The following PCDHGA4 variants were observed in gnomAD, a reference collection of about 807,000 sequenced individuals.
The protein encoded by PCDHGA4 is protocadherin gamma-A4.
In PCDHGA4, 38 loss-of-function variants were observed where a neutral mutation model predicts 54.6. The observed-to-expected ratio is 0.70, with a 90% CI of 0.54 to 0.91. The LOEUF (loss-of-function observed/expected upper bound fraction) is 0.91. PCDHGA4 is among the 40% of genes least tolerant of loss of function. The probability of loss-of-function intolerance (pLI) is 0.00; values close to 1 mark genes in which losing one functional copy is unlikely to be tolerated. For missense variants in PCDHGA4, 1,298 were observed against 1,220.9 expected (o/e 1.06, Z -0.94); for synonymous variants, 511 against 512.9 (o/e 1.00, Z 0.05).
In PCDHGA4 at chr5:141,503,243, C is replaced by T. The variant is rs146741382; in HGVS notation, c.2574-2150C>T. Among the ~76,000 whole-genome samples the T allele has an allele frequency of 3.1e-4, 47 of 152,198 alleles. No individual in the cohort carries two copies. The East Asian group carries it at 8.9e-3, about 29-fold the overall frequency. ...CACCGTAAAGATGGACAGTTTCTAT[C>T]ATACTCACAGCCACAACCCCAGCAC... On this transcript the variant is annotated intron_variant, in intron 2 of 3. Coordinates refer to ENST00000571252, the MANE Select transcript of PCDHGA4 (RefSeq NM_018917.4).
chr5:141,490,050 C>T lies in PCDHGA4; in HGVS notation c.2515-4757C>T, dbSNP rs1400735375. On this transcript the variant is annotated intron_variant, in intron 1 of 3. Transcript: ENST00000571252. This position sits in a 1 kb window ranked among gnomAD's most constrained non-coding sequence, Gnocchi z 5.4. ...TCCGCCTCAATGCCACTGATCCAGA[C>T]GAGGGCACCAACGGCCAACTAGACT... The T allele has an allele frequency of 1.2e-6, 2 of 1,614,224 alleles. No individual in the cohort carries two copies. The highest frequency in any genetic ancestry group is 1.7e-6 in the Non-Finnish European group (2 of 1,180,022).
chr5:141,369,396 G>A (rs1561544018), intron 1 of PCDHGA4, among the ~76,000 whole-genome samples: 1 of 152,160 alleles, frequency 6.6e-6, no homozygotes, highest in East Asian at 1.9e-4. Context: ...TTGGGCCAGG[G>A]TGGTTCATGA....
intron 1 of PCDHGA4, chr5:141,388,961 G>C: frequency 6.2e-7 from 1 of 1,614,042 alleles, no homozygotes; most frequent in Non-Finnish European, 8.5e-7. Flanking sequence ...AGGACGCCGA[G>C]CTGGGAACAC....
At chr5:141,455,920 C>A (rs941360102) in intron 1 of PCDHGA4, among the ~76,000 whole-genome samples, 1 of 147,944 alleles carries the variant, frequency 6.8e-6, no homozygotes, top group Non-Finnish European at 1.5e-5. Flanking sequence ...TATTTTGAGA[C>A]GGAGTCTCGC....
rs539620413 is a variant in PCDHGA4, at chr5:141,488,489, G to GT, written c.2515-6317dup. Among the ~76,000 whole-genome samples the GT allele has an allele frequency of 1.6e-4, 25 of 152,268 alleles. No homozygotes were observed. In the South Asian group the frequency reaches 4.6e-3, roughly 28 times the overall value. On this transcript the variant is annotated intron_variant, in intron 1 of 3. Transcript: ENST00000571252. ...AGAAATGTTCCCCTACCCAAAAACT[G>GT]TAACACTCATTCCACATTTGGGGTC...
At chr5:141,422,645 TCTCAGTGAC>T in intron 1 of PCDHGA4, 2 of 1,612,232 alleles carry the variant, frequency 1.2e-6, no homozygotes, top group Non-Finnish European at 1.7e-6. Flanking sequence ...GCCTCCATCT[TCTCAGTGAC>T]CGCCCTCGAC....
intron 1 of PCDHGA4, chr5:141,372,284 T>C: frequency 6.2e-7 from 1 of 1,613,190 alleles, no homozygotes; most frequent in Non-Finnish European, 8.5e-7. Context: ...GCACGGCGCG[T>C]ACCTTGGGCG....
chr5:141,457,386 A>G lies in PCDHGA4; in HGVS notation c.2515-37421A>G, dbSNP rs1303460358. Reference sequence around the variant, plus strand: ...TGCAAAATAATTGCCCAGAACTAGCATATTGATTCACATTTTCACATTACC... The same window carrying G: ...TGCAAAATAATTGCCCAGAACTAGCGTATTGATTCACATTTTCACATTACC... On this transcript the variant is annotated intron_variant, in intron 1 of 3. Transcript: ENST00000571252. Among the ~76,000 whole-genome samples the G allele has an allele frequency of 5.3e-5, 8 of 152,210 alleles. No homozygotes were observed. The East Asian group carries it at 1.3e-3, about 26-fold the overall frequency.
chr5:141,478,358 C>G, intron 1 of PCDHGA4: 1 of 1,613,738 alleles, frequency 6.2e-7, no homozygotes, highest in South Asian at 1.1e-5. Flanking sequence ...GGACGCCGTG[C>G]GGGGAGGCCT....
intron 1 of PCDHGA4, chr5:141,383,317 G>A (rs376453261): frequency 1.9e-6 from 3 of 1,614,000 alleles, no homozygotes; most frequent in African/African-American, 2.7e-5. Context: ...AGAAATAAAT[G>A]TAAAAATAAT....
intron 1 of PCDHGA4, chr5:141,423,080 T>C: frequency 6.2e-7 from 1 of 1,614,050 alleles, no homozygotes; most frequent in East Asian, 2.2e-5. Flanking sequence ...CCGGGACTCT[T>C]CGCGGTGGGG....
chr5:141,376,188 G>A (rs1772391716), intron 1 of PCDHGA4: 2 of 1,614,124 alleles, frequency 1.2e-6, no homozygotes, highest in South Asian at 2.2e-5. Context: ...GCGGTCTCCT[G>A]CGTCTTCCTG....
intron 1 of PCDHGA4, chr5:141,411,324 C>T (rs1171274674): frequency 1.3e-5 from 2 of 152,166 alleles, no homozygotes; most frequent in Admixed American, 6.5e-5. Context: ...AATCACAGCA[C>T]TTTGATAGGC....
chr5:141,425,337 G>A (rs1327677274), intron 1 of PCDHGA4, among the ~76,000 whole-genome samples: 1 of 152,186 alleles, frequency 6.6e-6, no homozygotes. Flanking sequence ...AAAAAGGAAG[G>A]GTTGGCTTTG....
intron 1 of PCDHGA4, among the ~76,000 whole-genome samples, chr5:141,488,938 A>T (rs1195859645): frequency 6.6e-6 from 1 of 152,154 alleles, no homozygotes; most frequent in East Asian, 1.9e-4. Context: ...AGGAAACTCC[A>T]TAATTGGTTG....
intron 1 of PCDHGA4, chr5:141,422,035 C>A: frequency 6.2e-7 from 1 of 1,611,086 alleles, no homozygotes; most frequent in South Asian, 1.1e-5. Flanking sequence ...TGCAACGGAT[C>A]CAGACGAGGG....
intron 1 of PCDHGA4, chr5:141,391,383 G>T (rs1344096934): frequency 3.3e-5 from 5 of 150,356 alleles, no homozygotes; most frequent in African/African-American, 9.8e-5. Context: ...CACAATGATA[G>T]CTCCCTCCAG....
At chr5:141,482,530 C>CTAAAAA in intron 1 of PCDHGA4, among the ~76,000 whole-genome samples, 1 of 76,560 alleles carries the variant, frequency 1.3e-5, no homozygotes, top group African/African-American at 4.8e-5. Context: ...GACAGACATG[C>CTAAAAA]AAAAAAAAAA....
Position 141,397,579 on chromosome 5 carries a change from A to G in PCDHGA4, c.2514+39958A>G, listed in dbSNP as rs73279085. Among the ~76,000 whole-genome samples, 1,264 of 152,334 alleles carry G rather than the reference A, an allele frequency of 8.3e-3. 17 individuals are homozygous for G. Among genetic ancestry groups the G allele is most frequent in the African/African-American group, 0.029 (1,200 of 41,570 alleles). On this transcript the variant is annotated intron_variant, in intron 1 of 3. Coordinates refer to ENST00000571252, the MANE Select transcript of PCDHGA4 (RefSeq NM_018917.4). ...AGGCTCTGAGAGCAAGAACTGTATCATATTAATTATTATATTGCCAGTGAC... is the reference window on the plus strand; with the variant it reads ...AGGCTCTGAGAGCAAGAACTGTATCGTATTAATTATTATATTGCCAGTGAC...
Sources: gnomAD v4.1 joint callset for allele counts (sites outside exome capture counted in the v4.1 genomes callset) on GRCh38, gnomAD v4.1.1 for gene constraint, Gnocchi (gnomAD v3.1) non-coding constraint, MANE v1.5 for transcripts, NCBI Gene and HGNC (gene_info 2026-07-23, HGNC 2026-07-21) for gene names.